COL5A2: variants seen among roughly 807,000 people sequenced by gnomAD.
COL5A2 encodes the protein collagen type V alpha 2 chain.
A neutral mutation model predicts 208.2 loss-of-function variants in COL5A2; 23 were observed. The observed-to-expected ratio is 0.11, with a 90% CI of 0.08 to 0.16. The LOEUF is 0.16. COL5A2 is among the 10% of genes least tolerant of loss of function. The pLI is 1.00. For missense variants in COL5A2, 1,590 were observed against 1,956.4 expected (o/e 0.81, Z 3.53); for synonymous variants, 625 against 628.5 (o/e 0.99, Z 0.08).
chr2:189,112,029 C>T (rs1057330365), intron 1 of COL5A2, among the ~76,000 whole-genome samples: 5 of 152,056 alleles, frequency 3.3e-5, no homozygotes, highest in East Asian at 1.9e-4. Context: ...CCATGCCCAG[C>T]GAATTTTTGT....
the COL5A2 span, among the ~76,000 whole-genome samples, chr2:189,389,815 A>G: frequency 1.3e-5 from 2 of 152,196 alleles, no homozygotes; most frequent in Non-Finnish European, 2.9e-5. Context: ...GATCACTGCA[A>G]TGGACAATGT....
chr2:189,121,692 G>T (rs932898606), intron 1 of COL5A2, among the ~76,000 whole-genome samples: 5 of 116,046 alleles, frequency 4.3e-5, no homozygotes, highest in African/African-American at 1.6e-4. Flanking sequence ...AGCCGAAATT[G>T]CACCACTGCA....
At chr2:189,197,369 G>A (rs1367624430) in intron 1 of COL5A2, among the ~76,000 whole-genome samples, 1 of 152,092 alleles carries the variant, frequency 6.6e-6, no homozygotes. Context: ...GTTGATAGGT[G>A]TGCCAAACCA....
intron 1 of COL5A2, among the ~76,000 whole-genome samples, chr2:189,134,707 T>A (rs765979995): frequency 6.6e-6 from 1 of 152,094 alleles, no homozygotes; most frequent in East Asian, 1.9e-4. Context: ...AATTTGAGGG[T>A]CAGCAAACAA....
chr2:189,391,689 T>C, the COL5A2 span, among the ~76,000 whole-genome samples: 1 of 152,140 alleles, frequency 6.6e-6, no homozygotes, highest in Non-Finnish European at 1.5e-5. Context: ...AAAAGATGGA[T>C]TTATAAAGTC....
At chr2:189,407,526 G>A in the COL5A2 span, among the ~76,000 whole-genome samples, 2 of 152,062 alleles carry the variant, frequency 1.3e-5, no homozygotes, top group Non-Finnish European at 2.9e-5. Context: ...TTGTTTTAAT[G>A]TGACCAATTT....
At chr2:189,178,462 A>G (rs1342653311) in intron 1 of COL5A2, among the ~76,000 whole-genome samples, 1 of 152,060 alleles carries the variant, frequency 6.6e-6, no homozygotes, top group African/African-American at 2.4e-5. Flanking sequence ...CCAAAGTTTT[A>G]AAAGCTTGAG....
chr2:189,267,616 A>C, the COL5A2 span, among the ~76,000 whole-genome samples: 1 of 152,180 alleles, frequency 6.6e-6, no homozygotes, highest in Admixed American at 6.6e-5. Context: ...GGGAATGAGG[A>C]TACTGAATGT....
chr2:189,119,041 A>G (rs1687450556), intron 1 of COL5A2, among the ~76,000 whole-genome samples: 1 of 152,088 alleles, frequency 6.6e-6, no homozygotes, highest in Non-Finnish European at 1.5e-5. Context: ...ATGGAAGCCA[A>G]TTTATTTATT....
intron 1 of COL5A2, among the ~76,000 whole-genome samples, chr2:189,142,548 G>T (rs1006197837): frequency 1.3e-5 from 2 of 151,952 alleles, no homozygotes; most frequent in Admixed American, 6.6e-5. Flanking sequence ...GTCCACTAAA[G>T]AATATAATTT....
At chr2:189,048,048 T>C (rs963612561) in intron 45 of COL5A2, among the ~76,000 whole-genome samples, 161 bp downstream of exon 45, 3 of 152,228 alleles carry the variant, frequency 2.0e-5, no homozygotes, top group African/African-American at 7.2e-5. Flanking sequence ...TATCATTTCA[T>C]TTACAAGATA....
In COL5A2 at chr2:189,035,159, G is replaced by C; in HGVS notation, c.4114-4C>G. ...ATTGGTGGTCTCCATAAGCGAACTA[G>C]AAAAACAAAGAGTCTTTGTCATACA... On this transcript the variant is annotated splice_region_variant and splice_polypyrimidine_tract_variant and intron_variant, in intron 52 of 53. Coordinates refer to ENST00000374866, the MANE Select transcript of COL5A2 (RefSeq NM_000393.5). The C allele has an allele frequency of 1.2e-6, 2 of 1,613,682 alleles. No homozygotes were observed. The highest frequency in any genetic ancestry group is 1.7e-6 in the Non-Finnish European group (2 of 1,179,764).
the COL5A2 span, among the ~76,000 whole-genome samples, chr2:189,319,899 C>A: frequency 6.6e-6 from 1 of 152,208 alleles, no homozygotes; most frequent in Non-Finnish European, 1.5e-5. Context: ...GGTAGCCTAT[C>A]TGGGAGGCAC....
the COL5A2 span, among the ~76,000 whole-genome samples, chr2:189,236,219 GA>G: frequency 6.6e-6 from 1 of 151,668 alleles, no homozygotes; most frequent in East Asian, 1.9e-4. Flanking sequence ...TCACTGTAAT[GA>G]ATCATAACCA....
chr2:189,304,923 A>G, the COL5A2 span, among the ~76,000 whole-genome samples: 1 of 152,228 alleles, frequency 6.6e-6, no homozygotes, highest in Non-Finnish European at 1.5e-5. Flanking sequence ...TAATAATGCA[A>G]TCAAATTTTA....
At chr2:189,087,747 G>T (rs113343752) in intron 8 of COL5A2, among the ~76,000 whole-genome samples, 1 of 151,272 alleles carries the variant, frequency 6.6e-6, no homozygotes, top group East Asian at 1.9e-4. Flanking sequence ...GAGAACAGGC[G>T]TGAGCCACCG....
the COL5A2 span, among the ~76,000 whole-genome samples, chr2:189,258,642 A>G: frequency 2.0e-5 from 3 of 152,290 alleles, no homozygotes; most frequent in African/African-American, 7.2e-5. Context: ...AAGGAATATG[A>G]TGTGTTTGAG....
At chr2:189,158,061 T>C (rs1194800575) in intron 1 of COL5A2, among the ~76,000 whole-genome samples, 1 of 152,000 alleles carries the variant, frequency 6.6e-6, no homozygotes, top group Non-Finnish European at 1.5e-5. Flanking sequence ...ATAAATATTT[T>C]CTGCATTTTA....
rs996909576 is a variant in COL5A2, at chr2:189,131,411, C to T, written c.98-20962G>A. The stretch of plus-strand genomic sequence containing the variant: ...TGCTCAAGCCATTGTAAAAATTTCA[C>T]GAAAATATGAAATTCGCTGAGAAAA... On this transcript the variant is annotated intron_variant, in intron 1 of 53. Transcript: ENST00000374866. Among the ~76,000 whole-genome samples the T allele has an allele frequency of 9.9e-5, 15 of 151,994 alleles. No homozygotes were observed. In the South Asian group the frequency reaches 1.2e-3, roughly 13 times the overall value.
Sources: allele counts gnomAD v4.1 joint callset (sites outside exome capture counted in the v4.1 genomes callset), GRCh38; gene constraint gnomAD v4.1.1; transcripts MANE v1.5; gene names NCBI Gene and HGNC (gene_info 2026-07-23, HGNC 2026-07-21).